RGMA: variants seen among roughly 807,000 people sequenced by gnomAD.
The protein encoded by RGMA is repulsive guidance molecule A.
Under a neutral mutation model 23.2 loss-of-function variants are expected in RGMA, and 10 were observed. The ratio of observed to expected loss-of-function variants is 0.43; its 90% CI spans 0.27 to 0.73. RGMA has a LOEUF of 0.73. RGMA is among the 30% of genes least tolerant of loss of function. The pLI, the probability that RGMA is intolerant of heterozygous loss-of-function variation, is 0.20. For synonymous variants in RGMA, 308 were observed against 279.3 expected, an observed-to-expected ratio of 1.10 and a Z score of -1.03; for missense variants, 547 against 630.5, an observed-to-expected ratio of 0.87 and a Z score of 1.42.
At chr15:93,053,933 A>C (rs894606029) in intron 2 of RGMA, among the ~76,000 whole-genome samples, 4 of 152,156 alleles carry the variant, frequency 2.6e-5, no homozygotes, top group African/African-American at 9.7e-5. Flanking sequence ...AATGTGCATT[A>C]AGAAAAAAAA....
At position 93,038,566 on chromosome 15, in the gene RGMA, G is replaced by GTTTTTTTTTTTTTTTTTTTTTTTTTTTT. The variant is rs1178389064; in HGVS notation, c.*6431_*6432insAAAAAAAAAAAAAAAAAAAAAAAAAAAA. The GTTTTTTTTTTTTTTTTTTTTTTTTTTTT allele has an allele frequency of 1.2e-5, 1 of 84,488 alleles. No homozygotes were observed. The highest frequency in any genetic ancestry group is 2.9e-5 in the Non-Finnish European group (1 of 34,358). 5.2% of individuals were successfully genotyped at this position (84,488 alleles called of 1,614,324 possible). On this transcript the variant is annotated 3_prime_UTR_variant, in exon 4 of 4. Coordinates refer to ENST00000329082, the MANE Select transcript of RGMA (RefSeq NM_020211.3). ...ATTGCCTTAATGAACGAAACTGTTA[G>GTTTTTTTTTTTTTTTTTTTTTTTTTTTT]TTGTTTTTTTTTTTTTTTTGAGACG...
At chr15:93,065,046 C>T (rs944348061) in intron 2 of RGMA, among the ~76,000 whole-genome samples, 22 of 151,022 alleles carry the variant, frequency 1.5e-4, no homozygotes, top group African/African-American at 4.6e-4. Context: ...AGTGGGATCT[C>T]GGCTCACTGC....
At chr15:93,076,025 T>TA (rs770761905) in intron 1 of RGMA, among the ~76,000 whole-genome samples, 8 of 152,302 alleles carry the variant, frequency 5.3e-5, no homozygotes, top group Middle Eastern at 3.4e-3. Flanking sequence ...TCTGCAGGAA[T>TA]AAAAAATTCC....
chr15:93,056,059 A>G (rs901413726), intron 2 of RGMA, among the ~76,000 whole-genome samples: 6 of 152,114 alleles, frequency 3.9e-5, no homozygotes, highest in Admixed American at 2.0e-4. Flanking sequence ...GTGGCCTGGG[A>G]CCCAGCTCGG....
chr15:93,088,464 C>T (rs1895678647), intron 1 of RGMA: 1 of 987,146 alleles, frequency 1.0e-6, no homozygotes, highest in Non-Finnish European at 1.2e-6. Flanking sequence ...GTGCACTGCG[C>T]CGACATCCCC....
chr15:93,055,984 G>T (rs2055007019), intron 2 of RGMA, among the ~76,000 whole-genome samples: 1 of 152,216 alleles, frequency 6.6e-6, no homozygotes, highest in Non-Finnish European at 1.5e-5. Flanking sequence ...ACCCCGGAGA[G>T]GGGTCCCTCG....
rs1178389064 is a variant in RGMA at position 93,038,566 on chromosome 15, G to GTTTTTTTTTTTTTTTTTTTTTTT, written c.*6431_*6432insAAAAAAAAAAAAAAAAAAAAAAA. ...ATTGCCTTAATGAACGAAACTGTTA[G>GTTTTTTTTTTTTTTTTTTTTTTT]TTGTTTTTTTTTTTTTTTTGAGACG... On this transcript the variant is annotated 3_prime_UTR_variant, in exon 4 of 4. Coordinates refer to ENST00000329082, the MANE Select transcript of RGMA (RefSeq NM_020211.3). 14 of 84,480 alleles carry GTTTTTTTTTTTTTTTTTTTTTTT rather than the reference G, an allele frequency of 1.7e-4. No individual in the cohort carries two copies. Among genetic ancestry groups the GTTTTTTTTTTTTTTTTTTTTTTT allele is most frequent in the African/African-American group, 3.4e-4 (8 of 23,670 alleles). The allele number at this position is 84,480 out of a possible 1,614,324, so 5.2% of individuals were successfully genotyped here.
intron 3 of RGMA, among the ~76,000 whole-genome samples, chr15:93,048,732 C>T (rs1217993002): frequency 1.3e-5 from 2 of 152,168 alleles, no homozygotes; most frequent in African/African-American, 4.8e-5. Flanking sequence ...CAGCCTCCTA[C>T]TTCTTCCTTC....
At chr15:93,054,625 A>G (rs902694239) in intron 2 of RGMA, among the ~76,000 whole-genome samples, 7 of 152,160 alleles carry the variant, frequency 4.6e-5, no homozygotes, top group African/African-American at 1.4e-4. Flanking sequence ...ATGTGGAACT[A>G]TGAGTCCATT....
intron 1 of RGMA, 150 bp downstream of exon 1, chr15:93,088,769 G>A (rs1895684934): frequency 2.5e-6 from 2 of 812,436 alleles, no homozygotes; most frequent in South Asian, 3.4e-5. Flanking sequence ...AAGCGATAGA[G>A]GCGCAGCAAA....
intron 1 of RGMA, among the ~76,000 whole-genome samples, chr15:93,086,528 A>G (rs901413737): frequency 6.7e-6 from 1 of 150,024 alleles, no homozygotes; most frequent in African/African-American, 2.5e-5. Context: ...TTGTAGGGGG[A>G]AAAACGCACT....
In RGMA at chr15:93,073,630, G is replaced by A. The variant is rs146095233; in HGVS notation, c.15-599C>T. On this transcript the variant is annotated intron_variant, in intron 1 of 3. Coordinates refer to ENST00000329082, the MANE Select transcript of RGMA (RefSeq NM_020211.3). ...CCTGGCTCATCAGTCGCACTCAGAC[G>A]CGACACCGGTGCAGGAGGCTGAAAA... The A allele has an allele frequency of 9.7e-4, 1,491 of 1,537,088 alleles. 12 individuals are homozygous for A. In the African/African-American group the frequency reaches 0.016, roughly 16 times the overall value.
At chr15:93,051,527 C>T (rs147523359) in intron 3 of RGMA, among the ~76,000 whole-genome samples, 8 of 152,164 alleles carry the variant, frequency 5.3e-5, no homozygotes, top group East Asian at 3.9e-4. Flanking sequence ...TGTCCACTTG[C>T]GTGGGTCCAT....
Position 93,039,303 on chromosome 15 carries a change from A to G in RGMA, c.*5695T>C, listed in dbSNP as rs531179935. The G allele has an allele frequency of 3.9e-5, 6 of 152,172 alleles. No homozygotes were observed. The East Asian group carries it at 1.2e-3, about 29-fold the overall frequency. The allele number at this position is 152,172 out of a possible 1,614,324, so 9.4% of individuals were successfully genotyped here. ...TCCCCAGGTGCTCAGACCCCTGGGG[A>G]AGACATCGTGGTCTCCTGTCAAGCT... On this transcript the variant is annotated 3_prime_UTR_variant, in exon 4 of 4. Coordinates refer to ENST00000329082, the MANE Select transcript of RGMA (RefSeq NM_020211.3).
intron 1 of RGMA, among the ~76,000 whole-genome samples, chr15:93,078,126 C>A (rs979036723): frequency 3.9e-5 from 6 of 152,194 alleles, no homozygotes; most frequent in Non-Finnish European, 7.3e-5. Context: ...TCCTGCAGCT[C>A]TTCCTGAGCT....
At chr15:93,061,614 A>G (rs1193520085) in intron 2 of RGMA, among the ~76,000 whole-genome samples, 1 of 152,216 alleles carries the variant, frequency 6.6e-6, no homozygotes, top group East Asian at 1.9e-4. Context: ...GGTAGAGAGA[A>G]AGAAAACTCA....
At chr15:93,076,202 C>G (rs1015575651) in intron 1 of RGMA, among the ~76,000 whole-genome samples, 1 of 152,168 alleles carries the variant, frequency 6.6e-6, no homozygotes, top group Non-Finnish European at 1.5e-5. Flanking sequence ...ATGCATGACT[C>G]TTGCCCCTTT....
At chr15:93,046,145 TAAG>T (rs2054821414) in intron 3 of RGMA, among the ~76,000 whole-genome samples, 1 of 152,200 alleles carries the variant, frequency 6.6e-6, no homozygotes. Context: ...ATGATTAGGT[TAAG>T]AACACTGAGA....
rs1433854926 is a variant in RGMA, at chr15:93,039,731, C to G, written c.*5267G>C. 6.6e-6 allele frequency: 1 copy of G among 152,158 alleles called. No homozygotes were observed. Among genetic ancestry groups the G allele is most frequent in the Non-Finnish European group, 1.5e-5 (1 of 68,056 alleles). 9.4% of individuals were successfully genotyped at this position (152,158 alleles called of 1,614,324 possible). The stretch of plus-strand genomic sequence containing the variant: ...CCCTGCAAAGGACATGAACTCATCC[C>G]TTTTTATGGCTGCATAGTACTCCAT... On this transcript the variant is annotated 3_prime_UTR_variant, in exon 4 of 4. Coordinates refer to ENST00000329082, the MANE Select transcript of RGMA (RefSeq NM_020211.3).
Sources: gnomAD v4.1 joint callset for allele counts (sites outside exome capture counted in the v4.1 genomes callset) on GRCh38, gnomAD v4.1.1 for gene constraint, MANE v1.5 for transcripts, NCBI Gene and HGNC (gene_info 2026-07-23, HGNC 2026-07-21) for gene names.